The following LAMA2 variants were observed in gnomAD, a reference collection of about 807,000 sequenced individuals.
The protein encoded by LAMA2 is laminin subunit alpha-2.
In LAMA2, 269 loss-of-function variants were observed where a neutral mutation model predicts 364.8. The observed-to-expected ratio is 0.74, with a 90% CI of 0.67 to 0.82. LAMA2 has a LOEUF of 0.82. Among genes scored for constraint, LAMA2 ranks in the 40% least tolerant of loss-of-function variants. The probability of loss-of-function intolerance (pLI) is 0.00; values close to 1 mark genes in which losing one functional copy is unlikely to be tolerated. For synonymous variants in LAMA2, 1,379 were observed against 1,370.6 expected (o/e 1.01, Z -0.14); for missense variants, 3,807 against 3,873.2 (o/e 0.98, Z 0.45).
At chr6:128,978,602 C>T (rs1278030484) in intron 1 of LAMA2, among the ~76,000 whole-genome samples, 4 of 152,102 alleles carry the variant, frequency 2.6e-5, no homozygotes, top group African/African-American at 9.7e-5. Flanking sequence ...AAGCGTGAGC[C>T]ACCATGCCCG....
intron 9 of LAMA2, among the ~76,000 whole-genome samples, chr6:129,167,753 G>A (rs1779855612): frequency 6.6e-6 from 1 of 152,058 alleles, no homozygotes. Flanking sequence ...TTCCACAATG[G>A]TTGAACTAGT....
chr6:129,324,159 A>T (rs907355171), intron 28 of LAMA2, among the ~76,000 whole-genome samples: 1 of 152,244 alleles, frequency 6.6e-6, no homozygotes, highest in Non-Finnish European at 1.5e-5. Context: ...TTTGTTTACA[A>T]ATATAACCTA....
At chr6:129,468,625 G>A (rs1173148130) in intron 51 of LAMA2, among the ~76,000 whole-genome samples, 1 of 151,884 alleles carries the variant, frequency 6.6e-6, no homozygotes, top group Admixed American at 6.6e-5. Context: ...CAAGCATATG[G>A]TCATTGACTT....
intron 1 of LAMA2, among the ~76,000 whole-genome samples, chr6:128,972,833 C>A (rs988669776): frequency 6.6e-6 from 1 of 152,086 alleles, no homozygotes; most frequent in Non-Finnish European, 1.5e-5. Context: ...TTTAGTAATA[C>A]CTCGGGAACC....
At chr6:129,467,670 A>G (rs1783614593) in intron 51 of LAMA2, among the ~76,000 whole-genome samples, 2 of 151,918 alleles carry the variant, frequency 1.3e-5, no homozygotes, top group South Asian at 4.1e-4. Context: ...ATAAATGGTC[A>G]TCTTGGAAAC....
chr6:129,146,179 A>T (rs1435256074), intron 5 of LAMA2, among the ~76,000 whole-genome samples: 1 of 151,894 alleles, frequency 6.6e-6, no homozygotes, highest in African/African-American at 2.4e-5. Context: ...GTGTGTGTAT[A>T]ATTGGAATAA....
chr6:129,008,916 T>C (rs1784599438), intron 1 of LAMA2, among the ~76,000 whole-genome samples: 1 of 152,216 alleles, frequency 6.6e-6, no homozygotes, highest in East Asian at 1.9e-4. Context: ...GTAGTGTACT[T>C]ACTGCAGTGT....
At chr6:129,383,657 A>G (rs1274884909) in intron 35 of LAMA2, among the ~76,000 whole-genome samples, 1 of 152,188 alleles carries the variant, frequency 6.6e-6, no homozygotes, top group Non-Finnish European at 1.5e-5. Flanking sequence ...CTGGTTTTTA[A>G]TGAACATCTG....
At chr6:129,121,951 GA>G (rs1249073737) in intron 4 of LAMA2, among the ~76,000 whole-genome samples, 2 of 151,978 alleles carry the variant, frequency 1.3e-5, no homozygotes, top group Non-Finnish European at 2.9e-5. Context: ...TTCACTGCAG[GA>G]AAAAATAAAA....
chr6:129,208,592 G>T (rs558392498), intron 12 of LAMA2, among the ~76,000 whole-genome samples: 2 of 148,804 alleles, frequency 1.3e-5, no homozygotes, highest in South Asian at 4.3e-4. Flanking sequence ...AAGGAGGAAG[G>T]AAAGAAGAGA....
chr6:128,920,734 A>G (rs1172441491), intron 1 of LAMA2, among the ~76,000 whole-genome samples: 1 of 151,710 alleles, frequency 6.6e-6, no homozygotes, highest in African/African-American at 2.4e-5. Context: ...CATGTATATG[A>G]GAGTATGTGT....
At chr6:129,232,568 G>A (rs951653977) in intron 12 of LAMA2, among the ~76,000 whole-genome samples, 3 of 151,862 alleles carry the variant, frequency 2.0e-5, no homozygotes, top group Non-Finnish European at 2.9e-5. Context: ...TATAATAATA[G>A]CAATGGATTT....
At chr6:129,284,994 A>G (rs1480595481) in intron 18 of LAMA2, among the ~76,000 whole-genome samples, 2 of 152,124 alleles carry the variant, frequency 1.3e-5, no homozygotes, top group Admixed American at 6.6e-5. Context: ...TTAAAAATGC[A>G]CTCATTCTGC....
At chr6:129,336,528 T>C (rs910512260) in intron 29 of LAMA2, among the ~76,000 whole-genome samples, 72 of 152,230 alleles carry the variant, frequency 4.7e-4, no homozygotes, top group African/African-American at 1.7e-3. Context: ...GATTTTCTCA[T>C]TTATTGTTAC....
At chr6:129,513,974 C>A (rs1321534088) in intron 63 of LAMA2, among the ~76,000 whole-genome samples, 3 of 152,150 alleles carry the variant, frequency 2.0e-5, no homozygotes, top group Non-Finnish European at 2.9e-5. Context: ...TAATGAGTCA[C>A]TTTAAACAAT....
At chr6:129,492,520 T>G (rs763649688) in intron 58 of LAMA2, 37 bp downstream of exon 58, 3 of 1,572,014 alleles carry the variant, frequency 1.9e-6, no homozygotes, top group Non-Finnish European at 8.8e-7. Flanking sequence ...TTTCTAATTT[T>G]TACCCAGTAT....
chr6:129,168,839 C>A (rs28872529), intron 9 of LAMA2, among the ~76,000 whole-genome samples: 1 of 140,978 alleles, frequency 7.1e-6, no homozygotes, highest in Admixed American at 7.1e-5. Flanking sequence ...CTTTTATTTC[C>A]TTGAGCAGTG....
chr6:129,223,848 A>G (rs1161999040), intron 12 of LAMA2, among the ~76,000 whole-genome samples: 1 of 152,076 alleles, frequency 6.6e-6, no homozygotes, highest in East Asian at 1.9e-4. Flanking sequence ...TTCCATATGA[A>G]CTTTAAAGTA....
chr6:129,311,160 C>A (rs370572611), intron 22 of LAMA2, among the ~76,000 whole-genome samples: 26 of 151,644 alleles, frequency 1.7e-4, no homozygotes, highest in African/African-American at 6.3e-4. Context: ...CTTGCTCTGT[C>A]GCCTAGGCTG....
Sources: gnomAD v4.1 joint callset for allele counts (sites outside exome capture counted in the v4.1 genomes callset) on GRCh38, gnomAD v4.1.1 for gene constraint, MANE v1.5 for transcripts, NCBI Gene and HGNC (gene_info 2026-07-23, HGNC 2026-07-21) for gene names.